PXN: variants seen among roughly 807,000 people sequenced by gnomAD.
The protein encoded by PXN is paxillin.
Under a neutral mutation model 103.6 loss-of-function variants are expected in PXN, and 61 were observed. That is an observed-to-expected ratio of 0.59 (90% CI 0.48 to 0.73). The LOEUF is 0.73. Ranked by LOEUF, PXN falls within the 30% of genes least tolerant of loss-of-function variation. The pLI is 0.00. For missense variants in PXN, 1,274 were observed against 1,460.3 expected, an observed-to-expected ratio of 0.87 and a Z score of 2.08; for synonymous variants, 562 against 607.8, an observed-to-expected ratio of 0.92 and a Z score of 1.11.
chr12:120,246,970 G>A (rs1452098040), intron 1 of PXN, among the ~76,000 whole-genome samples: 1 of 151,912 alleles, frequency 6.6e-6, no homozygotes, highest in African/African-American at 2.4e-5. Flanking sequence ...TGACACTGTA[G>A]TAAGCCATGA....
intron 1 of PXN, among the ~76,000 whole-genome samples, chr12:120,234,515 C>CT (rs1340325632): frequency 1.3e-5 from 2 of 152,186 alleles, no homozygotes; most frequent in East Asian, 1.9e-4. Context: ...AAAACCACCC[C>CT]TGCCCATATC....
At chr12:120,231,185 G>T (rs915287135) in intron 1 of PXN, among the ~76,000 whole-genome samples, 3 of 152,146 alleles carry the variant, frequency 2.0e-5, no homozygotes, top group Non-Finnish European at 4.4e-5. Context: ...CAAGAAAATG[G>T]GCAGAACCCG....
Position 120,250,115 on chromosome 12 carries a change from G to A in PXN, c.13+15502C>T, listed in dbSNP as rs1018559280. On this transcript the variant is annotated intron_variant, in intron 1 of 14. Transcript: ENST00000637617. ...AGCTGTCCCAGAGCACATCAGTGAT[G>A]AGAAACTGCCTTAGCCGGCCAGCCG... The A allele has an allele frequency of 7.8e-5, 77 of 985,716 alleles. No individual in the cohort carries two copies. In the Admixed American group the frequency reaches 1.4e-3, roughly 18 times the overall value. 61.1% of individuals were successfully genotyped at this position (985,716 alleles called of 1,614,324 possible).
chr12:120,242,549 G>A (rs901580840), intron 1 of PXN, among the ~76,000 whole-genome samples: 1 of 152,024 alleles, frequency 6.6e-6, no homozygotes, highest in African/African-American at 2.4e-5. Flanking sequence ...ACTGACCCAC[G>A]GCCCCAGCCC....
chr12:120,212,713 G>T lies in PXN; in HGVS notation c.2980-133C>A. 9.2e-7 allele frequency: 1 copy of T among 1,087,482 alleles called. No homozygotes were observed. The highest frequency in any genetic ancestry group is 1.6e-5 in the African/African-American group (1 of 63,494). 67.4% of individuals were successfully genotyped at this position (1,087,482 alleles called of 1,614,324 possible). A position where few individuals can be genotyped will look rare whatever the true frequency, so the allele number is the denominator to read the frequency against. On this transcript the variant is annotated intron_variant, in intron 14 of 14. Transcript: ENST00000637617. This position sits in a 1 kb window ranked among gnomAD's most constrained non-coding sequence, Gnocchi z 7.2. ...TTGCTAGGCGTTTCCCATGTGCCGTGTTGTCCTAAACGCTCATTTTTCATT... is the reference window on the plus strand; with the variant it reads ...TTGCTAGGCGTTTCCCATGTGCCGTTTTGTCCTAAACGCTCATTTTTCATT...
In PXN at chr12:120,216,871, C is replaced by T. The variant is rs73412900; in HGVS notation, c.1962G>A (p.Gly654=). ...CTACGAGCTGCCCCCCGGCCCGCTT[C>T]CCACGTGGCTGCACAGTGATGATGA... The part of the protein sequence containing the change: ...EGVIITVQPR[G]KRAGGQLVEK... Residue 654 remains glycine (G), a synonymous_variant, in exon 8 of 15, where the codon GGG becomes GGA. Coordinates refer to ENST00000637617, the MANE Select transcript of PXN (RefSeq NM_001385981.1). This position sits in a 1 kb window ranked among gnomAD's most constrained non-coding sequence, Gnocchi z 5.1. The T allele has an allele frequency of 2.6e-4, 398 of 1,507,824 alleles. No homozygotes were observed. The African/African-American group carries it at 4.9e-3, about 19-fold the overall frequency. 93.4% of individuals were successfully genotyped at this position (1,507,824 alleles called of 1,614,324 possible). A position where few individuals can be genotyped will look rare whatever the true frequency, so the allele number is the denominator to read the frequency against.
At chr12:120,241,567 C>T (rs972043706) in intron 1 of PXN, among the ~76,000 whole-genome samples, 1 of 152,218 alleles carries the variant, frequency 6.6e-6, no homozygotes, top group African/African-American at 2.4e-5. Flanking sequence ...ATATACAATG[C>T]CTGTCTCCGG....
Position 120,214,258 on chromosome 12 carries a change from A to C in PXN, c.2749-41T>G. 6.6e-7 allele frequency: 1 copy of C among 1,519,956 alleles called. No individual in the cohort carries two copies. The highest frequency in any genetic ancestry group is 1.2e-5 in the South Asian group (1 of 83,442). The allele number at this position is 1,519,956 out of a possible 1,614,324, so 94.2% of individuals were successfully genotyped here. On this transcript the variant is annotated intron_variant, in intron 12 of 14. Transcript: ENST00000637617. The surrounding 1 kb of genome is among the most constrained non-coding windows in gnomAD (Gnocchi z 5.0). ...GTGGGATCAAGGCTGAGCTCTGGGC[A>C]GATCTCACAACTGAGACGCCCAGCA...
intron 1 of PXN, among the ~76,000 whole-genome samples, chr12:120,256,268 G>C (rs1893000252): frequency 6.6e-6 from 1 of 151,916 alleles, no homozygotes; most frequent in African/African-American, 2.4e-5. Flanking sequence ...AAATTGGCCA[G>C]GCATGGTGGC....
intron 1 of PXN, among the ~76,000 whole-genome samples, chr12:120,241,927 A>G (rs1354321710): frequency 6.6e-6 from 1 of 152,216 alleles, no homozygotes. Flanking sequence ...AATACTCTAC[A>G]TGAAATCAGG....
chr12:120,239,577 G>A (rs1151822), intron 1 of PXN, among the ~76,000 whole-genome samples: 16,317 of 151,220 alleles, frequency 0.11, 2,645 homozygotes, highest in African/African-American at 0.35. Context: ...GTGAGACTCC[G>A]TCTCAAAAAC....
chr12:120,223,332 G>GTCCCAGCTA (rs1885802811), intron 3 of PXN, among the ~76,000 whole-genome samples: 1 of 152,114 alleles, frequency 6.6e-6, no homozygotes, highest in Admixed American at 6.5e-5. Flanking sequence ...TACTTGGGAG[G>GTCCCAGCTA]CTGAGGCAGG....
Position 120,212,458 on chromosome 12 carries a change from G to A in PXN, c.3102C>T (p.Gly1034=), listed in dbSNP as rs2136153720. The part of the protein sequence containing the change: ...LCSGCQKPIT[G]RCITAMAKKF... ...TCTTGGCCATGGCGGTGATGCAGCG[G>A]CCGGTGATGGGCTTCTGGCAGCCAG... The change falls in exon 15 of 15, where the codon GGC becomes GGT. Residue 1034 remains glycine (G), a synonymous_variant. Coordinates refer to ENST00000637617, the MANE Select transcript of PXN (RefSeq NM_001385981.1). This position sits in a 1 kb window ranked among gnomAD's most constrained non-coding sequence, Gnocchi z 7.2. The A allele has an allele frequency of 6.2e-7, 1 of 1,614,006 alleles. No individual in the cohort carries two copies. Among genetic ancestry groups the A allele is most frequent in the East Asian group, 2.2e-5 (1 of 44,884 alleles).
rs1341159029 is a variant in PXN, at chr12:120,213,722, C to G, written c.2979+120G>C. The G allele has an allele frequency of 2.4e-5, 32 of 1,360,104 alleles. No individual in the cohort carries two copies. The highest frequency in any genetic ancestry group is 3.2e-5 in the Non-Finnish European group (32 of 1,002,424). 84.3% of individuals were successfully genotyped at this position (1,360,104 alleles called of 1,614,324 possible). On this transcript the variant is annotated intron_variant, in intron 14 of 14. Coordinates refer to ENST00000637617, the MANE Select transcript of PXN (RefSeq NM_001385981.1). This position sits in a 1 kb window ranked among gnomAD's most constrained non-coding sequence, Gnocchi z 4.2. ...GGAGGAAGGAGATCCCCTGCCTGCT[C>G]CCCCAATTAATAACCCCAAATGAGG...
Position 120,216,551 on chromosome 12 carries a change from G to A in PXN, c.2023C>T (p.Leu675=). The part of the protein sequence containing the change: ...VVFPPGSPIP[L]RRTISVLASP... ...GCCAGGACAGAGATGGTTCTTCTCA[G>A]GGGAATGGGAGAGCCAGGAGGGAAG... Residue 675 remains leucine, a synonymous_variant, in exon 9 of 15, where the codon CTG becomes TTG. Transcript: ENST00000637617. The surrounding 1 kb of genome is among the most constrained non-coding windows in gnomAD (Gnocchi z 5.1). 1.4e-6 allele frequency: 2 copies of A among 1,422,010 alleles called. No homozygotes were observed. Among genetic ancestry groups the A allele is most frequent in the Non-Finnish European group, 9.1e-7 (1 of 1,097,080 alleles). 88.1% of individuals were successfully genotyped at this position (1,422,010 alleles called of 1,614,324 possible). A position where few individuals can be genotyped will look rare whatever the true frequency, so the allele number is the denominator to read the frequency against.
At chr12:120,223,663 G>T in intron 3 of PXN, 55 bp downstream of exon 3, 1 of 1,388,296 alleles carries the variant, frequency 7.2e-7, no homozygotes, top group Non-Finnish European at 9.9e-7. Context: ...CCCTGGCCAG[G>T]TCCCTGAGAT....
At chr12:120,245,787 C>CAAAAAAAAAAAAAAAAA in intron 1 of PXN, among the ~76,000 whole-genome samples, 1 of 45,172 alleles carries the variant, frequency 2.2e-5, no homozygotes, top group Non-Finnish European at 4.6e-5. Context: ...GACTCCATCT[C>CAAAAAAAAAAAAAAAAA]AAAAAAAAAA....
intron 1 of PXN, among the ~76,000 whole-genome samples, chr12:120,244,216 TAAAC>T (rs764033123): frequency 6.7e-6 from 1 of 148,844 alleles, no homozygotes; most frequent in South Asian, 2.2e-4. Context: ...TACCCTAAAA[TAAAC>T]AAACAAAAAA....
At position 120,212,232 on chromosome 12, in the gene PXN, C is replaced by A; in HGVS notation, c.*82G>T. The A allele has an allele frequency of 1.3e-6, 2 of 1,537,806 alleles. No individual in the cohort carries two copies. The highest frequency in any genetic ancestry group is 1.8e-6 in the Non-Finnish European group (2 of 1,142,006). On this transcript the variant is annotated 3_prime_UTR_variant, in exon 15 of 15. Coordinates refer to ENST00000637617, the MANE Select transcript of PXN (RefSeq NM_001385981.1). This position sits in a 1 kb window ranked among gnomAD's most constrained non-coding sequence, Gnocchi z 7.2. ...CCAGTTTCAGTCGGGTTTACCCCTT[C>A]ACCCCCGGGTGAAGTCTCTAGGTCA...
Sources: allele counts gnomAD v4.1 joint callset (sites outside exome capture counted in the v4.1 genomes callset), GRCh38; gene constraint gnomAD v4.1.1; non-coding constraint Gnocchi (gnomAD v3.1); transcripts MANE v1.5; gene names NCBI Gene and HGNC (gene_info 2026-07-23, HGNC 2026-07-21).